The following RBFOX1 variants were observed in gnomAD, a reference collection of about 807,000 sequenced individuals.
RBFOX1 encodes RNA binding fox-1 homolog 1, also known as RNA binding protein fox-1 homolog 1.
Under a neutral mutation model 57.7 loss-of-function variants are expected in RBFOX1, and 8 were observed. The ratio of observed to expected loss-of-function variants is 0.14; its 90% CI spans 0.08 to 0.25. RBFOX1 has a LOEUF of 0.25. RBFOX1 is among the 10% of genes least tolerant of loss of function. The probability of loss-of-function intolerance (pLI) is 1.00; values close to 1 mark genes in which losing one functional copy is unlikely to be tolerated. For missense variants in RBFOX1, 611 were observed against 548.5 expected (o/e 1.11, Z -1.14); for synonymous variants, 326 against 222.4 (o/e 1.47, Z -4.15).
At chr16:6,827,966 C>G (rs752309139) in intron 3 of RBFOX1, among the ~76,000 whole-genome samples, 12 of 152,192 alleles carry the variant, frequency 7.9e-5, no homozygotes, top group East Asian at 5.8e-4. Flanking sequence ...ACTCTATGCT[C>G]TGTAGGGGAC....
rs1040925454 is a variant in RBFOX1 at position 5,752,228 on chromosome 16, A to T, written c.319-115075A>T. Among the ~76,000 whole-genome samples, 8 of 152,228 alleles carry T rather than the reference A, an allele frequency of 5.3e-5. 1 individual carries two copies. The highest frequency in any genetic ancestry group is 5.2e-4 in the Admixed American group (8 of 15,284). On this transcript the variant is annotated intron_variant, in intron 3 of 19. Transcript: ENST00000641259. ...GAAGTGGTAGCTGAATGATGAGAAC[A>T]CAGGGACACATAGAGGGGAGAAATA...
intron 1 of RBFOX1, among the ~76,000 whole-genome samples, chr16:6,042,555 G>C (rs2095449268): frequency 6.6e-6 from 1 of 152,060 alleles, no homozygotes; most frequent in South Asian, 2.1e-4. Context: ...AGGTTTTTGG[G>C]AATAGGAGGT....
At chr16:6,620,440 G>C (rs552695835) in intron 2 of RBFOX1, among the ~76,000 whole-genome samples, 76 of 152,236 alleles carry the variant, frequency 5.0e-4, no homozygotes, top group Middle Eastern at 3.4e-3. Context: ...AAAAGAACTG[G>C]AGAAACAAGA....
chr16:7,118,864 G>A (rs2066490159), intron 4 of RBFOX1, among the ~76,000 whole-genome samples: 1 of 152,104 alleles, frequency 6.6e-6, no homozygotes, highest in Admixed American at 6.6e-5. Flanking sequence ...ACCAAATAGA[G>A]CACATAGAGA....
Position 5,246,211 on chromosome 16 carries a change from C to T in RBFOX1, c.219+6106C>T, listed in dbSNP as rs111632431. ...CAGCCGAGATCGCGCCACTGCACTT[C>T]AGCCAGCCTGGGTGACAGAGCGAGA... On this transcript the variant is annotated intron_variant, in intron 1 of 2. Transcript: ENST00000585867. Among the ~76,000 whole-genome samples, 1,501 of 152,272 alleles carry T rather than the reference C, an allele frequency of 9.9e-3. 32 individuals are homozygous for T. Among genetic ancestry groups the T allele is most frequent in the African/African-American group, 0.034 (1,428 of 41,540 alleles).
rs528816551 is a variant in RBFOX1, at chr16:5,461,095, G to A, written c.220-6121G>A. Reference sequence around the variant, plus strand: ...GGGCTCCTGCAGTTTTGCATTCTTGGTGTGCCTTCTATGAGATTGCAGACT... The same window carrying A: ...GGGCTCCTGCAGTTTTGCATTCTTGATGTGCCTTCTATGAGATTGCAGACT... On this transcript the variant is annotated intron_variant, in intron 1 of 2. Transcript: ENST00000585867. 2.6e-5 allele frequency among the ~76,000 whole-genome samples: 4 copies of A among 152,308 alleles called. No individual in the cohort carries two copies. In the East Asian group the frequency reaches 5.8e-4, roughly 22 times the overall value.
chr16:7,653,950 A>G lies in RBFOX1; in HGVS notation c.890+3A>G. ...CCCCCGATCCCGGCCTACGGCGGGTAAGTGGGGCAGCCTCCTGGGTGGGCC... is the reference window on the plus strand; with the variant it reads ...CCCCCGATCCCGGCCTACGGCGGGTGAGTGGGGCAGCCTCCTGGGTGGGCC... On this transcript the variant is annotated splice_donor_region_variant and intron_variant, in intron 12 of 15. Coordinates refer to ENST00000550418, the MANE Select transcript of RBFOX1 (RefSeq NM_018723.4). The G allele has an allele frequency of 6.6e-7, 1 of 1,510,288 alleles. No individual in the cohort carries two copies. Among genetic ancestry groups the G allele is most frequent in the Non-Finnish European group, 8.8e-7 (1 of 1,136,886 alleles). 93.6% of individuals were successfully genotyped at this position (1,510,288 alleles called of 1,614,324 possible).
chr16:6,557,378 G>A (rs778456998), intron 2 of RBFOX1, among the ~76,000 whole-genome samples: 2 of 151,900 alleles, frequency 1.3e-5, no homozygotes, highest in Non-Finnish European at 2.9e-5. Flanking sequence ...TACTCAAATC[G>A]TATTACATCA....
intron 3 of RBFOX1, among the ~76,000 whole-genome samples, chr16:6,832,307 G>A (rs554518096): frequency 4.8e-4 from 73 of 152,308 alleles, no homozygotes; most frequent in African/African-American, 1.5e-3. Flanking sequence ...TTACCAGAGA[G>A]TTGGAGACAG....
chr16:6,712,289 G>C (rs1439599379), intron 3 of RBFOX1, among the ~76,000 whole-genome samples: 2 of 152,144 alleles, frequency 1.3e-5, no homozygotes, highest in Admixed American at 6.5e-5. Flanking sequence ...ACAAGGTGTT[G>C]CAACCTTCTG....
At chr16:6,684,523 G>A (rs1042125034) in intron 3 of RBFOX1, among the ~76,000 whole-genome samples, 1 of 152,172 alleles carries the variant, frequency 6.6e-6, no homozygotes, top group South Asian at 2.1e-4. Flanking sequence ...AGAAATTGCT[G>A]CAGTGGAAAC....
chr16:6,720,870 C>T (rs557681288), intron 3 of RBFOX1, among the ~76,000 whole-genome samples: 1 of 152,144 alleles, frequency 6.6e-6, no homozygotes, highest in African/African-American at 2.4e-5. Flanking sequence ...CATTCCCTCT[C>T]TTTGCACAAT....
intron 4 of RBFOX1, among the ~76,000 whole-genome samples, chr16:7,276,013 T>G (rs1218275665): frequency 6.6e-6 from 1 of 152,192 alleles, no homozygotes; most frequent in Non-Finnish European, 1.5e-5. Context: ...TGCCTAAATT[T>G]CACTCAGAAA....
intron 4 of RBFOX1, among the ~76,000 whole-genome samples, chr16:7,086,271 G>C (rs1457823929): frequency 6.6e-6 from 1 of 151,958 alleles, no homozygotes; most frequent in Non-Finnish European, 1.5e-5. Context: ...ATCAACAAGG[G>C]GCTCGGTTAA....
At chr16:7,546,129 C>G (rs2084443744) in intron 5 of RBFOX1, among the ~76,000 whole-genome samples, 1 of 151,674 alleles carries the variant, frequency 6.6e-6, no homozygotes, top group Non-Finnish European at 1.5e-5. Context: ...GAGTTCGAGA[C>G]CAGCCTGGCC....
At chr16:7,529,125 G>A (rs562978229) in intron 5 of RBFOX1, among the ~76,000 whole-genome samples, 1 of 152,104 alleles carries the variant, frequency 6.6e-6, no homozygotes. Context: ...GCCAGGCGTG[G>A]TGGCGGGCAC....
At chr16:5,350,244 G>A (rs548411960) in intron 1 of RBFOX1, among the ~76,000 whole-genome samples, 1 of 152,170 alleles carries the variant, frequency 6.6e-6, no homozygotes, top group Admixed American at 6.5e-5. Flanking sequence ...AACTCAGATG[G>A]ACTCTGAAGT....
intron 1 of RBFOX1, among the ~76,000 whole-genome samples, chr16:6,130,635 C>G (rs546382998): frequency 3.3e-5 from 5 of 152,084 alleles, no homozygotes; most frequent in African/African-American, 1.2e-4. Flanking sequence ...ACAAGAGACT[C>G]GTCTTAAATA....
chr16:6,105,846 A>G (rs1179576382), intron 1 of RBFOX1, among the ~76,000 whole-genome samples: 2 of 152,122 alleles, frequency 1.3e-5, no homozygotes, highest in Non-Finnish European at 2.9e-5. Context: ...ATACCCTGCT[A>G]TTGTTGCTTG....
Sources: gnomAD v4.1 joint callset for allele counts (sites outside exome capture counted in the v4.1 genomes callset) on GRCh38, gnomAD v4.1.1 for gene constraint, MANE v1.5 for transcripts, NCBI Gene and HGNC (gene_info 2026-07-23, HGNC 2026-07-21) for gene names.